The following ERC2 variants were observed in gnomAD, a reference collection of about 807,000 sequenced individuals.
The protein encoded by ERC2 is ELKS/RAB6-interacting/CAST family member 2.
Under a neutral mutation model 114.8 loss-of-function variants are expected in ERC2, and 42 were observed. That is an observed-to-expected ratio of 0.37 (90% CI 0.29 to 0.47). The LOEUF is 0.47. Among genes scored for constraint, ERC2 ranks in the 20% least tolerant of loss-of-function variants. The pLI, the probability that ERC2 is intolerant of heterozygous loss-of-function variation, is 0.99. For missense variants in ERC2, 939 were observed against 1,150.7 expected, an observed-to-expected ratio of 0.82 and a Z score of 2.66; for synonymous variants, 454 against 425.5, an observed-to-expected ratio of 1.07 and a Z score of -0.82.
chr3:55,785,331 A>C lies in ERC2; in HGVS notation c.2565-50413T>G, dbSNP rs114738194. Among the ~76,000 whole-genome samples the C allele has an allele frequency of 1.0e-2, 1,519 of 152,310 alleles. 25 individuals are homozygous for C. The highest frequency in any genetic ancestry group is 0.035 in the African/African-American group (1,450 of 41,568). ...GATTTCTCACTAAGTCCCATTTCAA[A>C]TTATTTCAGAAAACAGATGCTGTTG... On this transcript the variant is annotated intron_variant, in intron 14 of 17. Coordinates refer to ENST00000288221, the MANE Select transcript of ERC2 (RefSeq NM_015576.3).
At chr3:55,885,186 C>A (rs1345971647) in intron 14 of ERC2, among the ~76,000 whole-genome samples, 1 of 152,196 alleles carries the variant, frequency 6.6e-6, no homozygotes, top group Non-Finnish European at 1.5e-5. Flanking sequence ...GAAAAACCAA[C>A]AATGCTTGGC....
At chr3:55,954,045 G>T (rs1463404506) in intron 12 of ERC2, among the ~76,000 whole-genome samples, 1 of 122,912 alleles carries the variant, frequency 8.1e-6, no homozygotes, top group Admixed American at 1.1e-4. Context: ...CATCCACTTG[G>T]CAAGGCTCTG....
In ERC2 at chr3:55,914,498, C is replaced by T. The variant is rs112164983; in HGVS notation, c.2404-25949G>A. 4.2e-3 allele frequency among the ~76,000 whole-genome samples: 640 copies of T among 152,310 alleles called. 6 individuals are homozygous for T. The highest frequency in any genetic ancestry group is 0.014 in the African/African-American group (580 of 41,568). On this transcript the variant is annotated intron_variant, in intron 13 of 17. Transcript: ENST00000288221. ...GCTTTTCACTTTAACATGGTACCCA[C>T]TCCTACCCAAATCCTCTTTCTGTTG...
At chr3:56,393,050 A>G (rs578074013) in intron 2 of ERC2, among the ~76,000 whole-genome samples, 35 of 151,934 alleles carry the variant, frequency 2.3e-4, no homozygotes, top group African/African-American at 7.7e-4. Flanking sequence ...AATGTTTTGT[A>G]CTCCCACCCT....
intron 2 of ERC2, among the ~76,000 whole-genome samples, chr3:56,430,597 G>A (rs568617511): frequency 9.2e-5 from 14 of 152,224 alleles, no homozygotes; most frequent in African/African-American, 3.1e-4. Context: ...AGACCAGCCT[G>A]GGCAATATAG....
intron 3 of ERC2, among the ~76,000 whole-genome samples, chr3:56,289,392 T>C (rs1333876514): frequency 6.6e-6 from 1 of 152,194 alleles, no homozygotes; most frequent in Non-Finnish European, 1.5e-5. Context: ...TTTTGTTCTC[T>C]TCCCATCCAA....
chr3:56,424,032 A>T (rs866818973), intron 2 of ERC2, among the ~76,000 whole-genome samples: 16 of 152,212 alleles, frequency 1.1e-4, no homozygotes, highest in Admixed American at 5.2e-4. Flanking sequence ...AATAGGCCAC[A>T]TTCAGAACCC....
chr3:56,093,858 C>T (rs2149790268), intron 6 of ERC2, among the ~76,000 whole-genome samples: 1 of 152,112 alleles, frequency 6.6e-6, no homozygotes. Flanking sequence ...AAATACTACT[C>T]TAAAATAAAC....
intron 14 of ERC2, among the ~76,000 whole-genome samples, chr3:55,798,638 T>C (rs562982294): frequency 2.7e-5 from 4 of 149,968 alleles, no homozygotes; most frequent in Admixed American, 2.0e-4. Flanking sequence ...AGAGGAAAGA[T>C]AGCCACTTAA....
At chr3:55,781,074 G>T (rs915998169) in intron 14 of ERC2, among the ~76,000 whole-genome samples, 4 of 152,180 alleles carry the variant, frequency 2.6e-5, no homozygotes, top group Non-Finnish European at 5.9e-5. Flanking sequence ...CATGGCTGTT[G>T]TTTTGGGCTC....
chr3:55,517,136 T>A (rs1019289266), intron 17 of ERC2, among the ~76,000 whole-genome samples: 3 of 152,150 alleles, frequency 2.0e-5, no homozygotes, highest in African/African-American at 7.2e-5. Context: ...AACTAACATT[T>A]TTTTAAAAAT....
intron 2 of ERC2, among the ~76,000 whole-genome samples, chr3:56,412,656 T>G (rs1053932217): frequency 6.6e-6 from 1 of 152,166 alleles, no homozygotes; most frequent in East Asian, 1.9e-4. Context: ...ACCACCTGGG[T>G]TGGCTTCCAT....
At chr3:55,774,191 C>A (rs1045241723) in intron 14 of ERC2, among the ~76,000 whole-genome samples, 2 of 152,042 alleles carry the variant, frequency 1.3e-5, no homozygotes, top group African/African-American at 4.8e-5. Context: ...AAAGAGGAGA[C>A]AATGGGCCAT....
intron 14 of ERC2, among the ~76,000 whole-genome samples, chr3:55,744,175 G>A (rs931485769): frequency 2.0e-5 from 3 of 151,988 alleles, no homozygotes; most frequent in African/African-American, 7.3e-5. Context: ...GGCCGAGGTG[G>A]GTGTATCACC....
At chr3:55,719,398 T>C (rs1464488050) in intron 15 of ERC2, among the ~76,000 whole-genome samples, 1 of 152,176 alleles carries the variant, frequency 6.6e-6, no homozygotes, top group Non-Finnish European at 1.5e-5. Flanking sequence ...CTAAGAACAT[T>C]GTTCTAGAAG....
chr3:56,173,210 C>T (rs2082775324), intron 4 of ERC2, among the ~76,000 whole-genome samples: 1 of 152,130 alleles, frequency 6.6e-6, no homozygotes, highest in Non-Finnish European at 1.5e-5. Context: ...AGGAACCCAG[C>T]TCCTTTCAGC....
rs150393656 is a variant in ERC2, at chr3:56,328,856, CTT to C, written c.658-32423_658-32422del. 2.3e-3 allele frequency among the ~76,000 whole-genome samples: 355 copies of C among 152,196 alleles called. 1 individual carries two copies. The highest frequency in any genetic ancestry group is 8.2e-3 in the African/African-American group (341 of 41,510). On this transcript the variant is annotated intron_variant, in intron 2 of 17. Transcript: ENST00000288221. ...CATTGAATTGAAAAACGGCAAGAGA[CTT>C]TGAGAGAAGAGAGAGAAAAAAGCCT... is the stretch of plus-strand genomic sequence containing the variant.
chr3:55,671,004 G>A (rs1002659459), intron 17 of ERC2, among the ~76,000 whole-genome samples: 4 of 152,174 alleles, frequency 2.6e-5, no homozygotes, highest in African/African-American at 7.2e-5. Context: ...AAGACCACAC[G>A]TGGCACACTC....
At chr3:56,227,473 G>A (rs1450491668) in intron 3 of ERC2, among the ~76,000 whole-genome samples, 2 of 151,170 alleles carry the variant, frequency 1.3e-5, no homozygotes, top group African/African-American at 2.4e-5. Context: ...CTCCCTACAA[G>A]GGCATACCCC....
Sources: allele counts gnomAD v4.1 joint callset (sites outside exome capture counted in the v4.1 genomes callset), GRCh38; gene constraint gnomAD v4.1.1; transcripts MANE v1.5; gene names NCBI Gene and HGNC (gene_info 2026-07-23, HGNC 2026-07-21).